The following MICAL3 variants were observed in gnomAD, a reference collection of about 807,000 sequenced individuals.
The protein encoded by MICAL3 is [F-actin]-monooxygenase MICAL3.
Under a neutral mutation model 207.4 loss-of-function variants are expected in MICAL3, and 62 were observed. The observed-to-expected ratio is 0.30, with a 90% CI of 0.24 to 0.37. The LOEUF is 0.37. Ranked by LOEUF, MICAL3 falls within the 10% of genes least tolerant of loss-of-function variation. The probability of loss-of-function intolerance (pLI) is 1.00; values close to 1 mark genes in which losing one functional copy is unlikely to be tolerated. For missense variants in MICAL3, 2,368 were observed against 2,635.6 expected (o/e 0.90, Z 2.22); for synonymous variants, 1,077 against 1,069.3 (o/e 1.01, Z -0.14).
At chr22:17,842,356 G>C (rs1924106785) in intron 19 of MICAL3, 1 of 268,372 alleles carries the variant, frequency 3.7e-6, no homozygotes, top group East Asian at 6.7e-5. Flanking sequence ...CCAGGAGCCA[G>C]GTGCCCCTGA....
chr22:17,952,942 C>T (rs1171600407), intron 1 of MICAL3, among the ~76,000 whole-genome samples: 1 of 152,172 alleles, frequency 6.6e-6, no homozygotes. Flanking sequence ...CCTTTTACCG[C>T]GCCTGACTCG....
At chr22:17,938,586 T>C (rs1421732326) in intron 1 of MICAL3, among the ~76,000 whole-genome samples, 1 of 152,174 alleles carries the variant, frequency 6.6e-6, no homozygotes, top group Admixed American at 6.5e-5. Context: ...TGCACTTTGA[T>C]ACCAAGCACA....
chr22:17,985,280 G>C (rs34097737), intron 1 of MICAL3, among the ~76,000 whole-genome samples: 1 of 150,746 alleles, frequency 6.6e-6, no homozygotes, highest in Non-Finnish European at 1.5e-5. Context: ...CTGCGTGCCC[G>C]ATTCCCTGCC....
intron 1 of MICAL3, among the ~76,000 whole-genome samples, chr22:18,003,249 G>A (rs1254810982): frequency 6.6e-6 from 1 of 151,764 alleles, no homozygotes; most frequent in East Asian, 1.9e-4. Flanking sequence ...CTTTGGTAAA[G>A]ATGAATCCTG....
At chr22:17,982,913 T>C (rs1362189119) in intron 1 of MICAL3, among the ~76,000 whole-genome samples, 1 of 152,146 alleles carries the variant, frequency 6.6e-6, no homozygotes, top group Non-Finnish European at 1.5e-5. Context: ...TGGGTGGCGT[T>C]AGTCACAGGG....
chr22:17,954,785 C>T (rs2096728339), intron 1 of MICAL3, among the ~76,000 whole-genome samples: 1 of 150,024 alleles, frequency 6.7e-6, no homozygotes, highest in Admixed American at 6.7e-5. Context: ...CTCGCTCTGT[C>T]GCCCAGGCTG....
chr22:17,805,226 T>G (rs949037474), intron 29 of MICAL3, among the ~76,000 whole-genome samples: 2 of 152,158 alleles, frequency 1.3e-5, no homozygotes, highest in Non-Finnish European at 2.9e-5. Flanking sequence ...CACTGCCTTC[T>G]TCAGGGCTCA....
chr22:17,871,751 G>C, intron 17 of MICAL3, 86 bp downstream of exon 17: 1 of 1,276,406 alleles, frequency 7.8e-7, no homozygotes, highest in South Asian at 1.5e-5. Flanking sequence ...GAATAAGGCA[G>C]GAAGGGGCCC....
intron 16 of MICAL3, among the ~76,000 whole-genome samples, chr22:17,877,097 T>G (rs111213218): frequency 0.024 from 468 of 19,600 alleles, no homozygotes; most frequent in African/African-American, 0.027. Flanking sequence ...TTATGGAGGT[T>G]AGGGAGGTTA....
intron 1 of MICAL3, among the ~76,000 whole-genome samples, chr22:17,960,852 C>T (rs980303383): frequency 1.3e-5 from 2 of 152,166 alleles, no homozygotes; most frequent in Non-Finnish European, 2.9e-5. Flanking sequence ...GGAGCCAGCA[C>T]GGGGTCACTG....
At chr22:17,880,011 A>C (rs1569112450) in intron 16 of MICAL3, among the ~76,000 whole-genome samples, 1 of 152,224 alleles carries the variant, frequency 6.6e-6, no homozygotes, top group Non-Finnish European at 1.5e-5. Flanking sequence ...CAGAAGCGGC[A>C]ATCACAGGAC....
intron 1 of MICAL3, among the ~76,000 whole-genome samples, chr22:17,959,290 C>T (rs949362513): frequency 6.6e-6 from 1 of 151,720 alleles, no homozygotes; most frequent in African/African-American, 2.4e-5. Context: ...GCTGGGATTA[C>T]AGGTGTGAGC....
At chr22:17,947,823 C>G (rs1289889960) in intron 1 of MICAL3, among the ~76,000 whole-genome samples, 1 of 152,192 alleles carries the variant, frequency 6.6e-6, no homozygotes, top group East Asian at 1.9e-4. Flanking sequence ...TTCAGCCTCC[C>G]AATGTGCTGG....
chr22:17,983,989 T>C lies in MICAL3; in HGVS notation c.-75+40292A>G, dbSNP rs76994680. 8.3e-3 allele frequency among the ~76,000 whole-genome samples: 1,257 copies of C among 152,308 alleles called. 19 individuals carry two copies. Among genetic ancestry groups the C allele is most frequent in the African/African-American group, 0.029 (1,193 of 41,552 alleles). On this transcript the variant is annotated intron_variant, in intron 1 of 31. Transcript: ENST00000441493. ...GGCAAAACGCAAATCATCGTGACTC[T>C]AGGTGAAGGGTAAATAGGAACTCGT...
chr22:17,885,357 A>AAAG (rs1393150408), intron 16 of MICAL3, among the ~76,000 whole-genome samples: 1 of 152,260 alleles, frequency 6.6e-6, no homozygotes, highest in Non-Finnish European at 1.5e-5. Context: ...AGGTGCTTGT[A>AAAG]AAGAGTCAGG....
intron 1 of MICAL3, among the ~76,000 whole-genome samples, chr22:17,976,112 G>C (rs780235421): frequency 1.2e-4 from 18 of 152,114 alleles, no homozygotes; most frequent in Non-Finnish European, 2.6e-4. Context: ...CAGAACATCA[G>C]TATGTAAGTT....
rs1373302649 is a variant in MICAL3 at position 17,986,793 on chromosome 22, T to A, written c.-75+37488A>T. On this transcript the variant is annotated intron_variant, in intron 1 of 31. Transcript: ENST00000441493. ...ATCAGACACTTCCCTATTTCTAGTT[T>A]CAGTCTTTTAAGTAGCCAAAAGAAA... is the stretch of plus-strand genomic sequence containing the variant. Among the ~76,000 whole-genome samples the A allele has an allele frequency of 1.1e-4, 17 of 152,200 alleles. No homozygotes were observed. The East Asian group carries it at 2.9e-3, about 26-fold the overall frequency.
In MICAL3 at chr22:17,891,569, C is replaced by A; in HGVS notation, c.1610G>T (p.Gly537Val). 2 of 1,613,968 alleles carry A rather than the reference C, an allele frequency of 1.2e-6. No homozygotes were observed. The highest frequency in any genetic ancestry group is 1.7e-6 in the Non-Finnish European group (2 of 1,179,854). ...WCQRQTDGYAGVNVTDLTMSW... is the reference protein window; with the variant it reads ...WCQRQTDGYAVVNVTDLTMSW... ...CATGGTGAGATCTGTCACGTTTACC[C>A]CTGCATAGCCATCTGTCTGCCTCTG... The change falls in exon 12 of 32, where the codon GGG (glycine) becomes GTG (valine). Residue 537 changes from glycine to valine, a missense_variant. Gly to Val is a moderately radical substitution (Grantham distance 109). Transcript: ENST00000441493.
chr22:17,816,170 G>A (rs565933346), intron 27 of MICAL3, among the ~76,000 whole-genome samples: 27 of 152,354 alleles, frequency 1.8e-4, no homozygotes, highest in African/African-American at 6.0e-4. Context: ...GCTCTGGAAA[G>A]TGAGGGGCTG....
Sources: allele counts gnomAD v4.1 joint callset (sites outside exome capture counted in the v4.1 genomes callset), GRCh38; gene constraint gnomAD v4.1.1; transcripts MANE v1.5; gene names NCBI Gene and HGNC (gene_info 2026-07-23, HGNC 2026-07-21).